TRPM3: variants seen among roughly 807,000 people sequenced by gnomAD.
TRPM3 encodes long transient receptor potential channel 3.
In TRPM3, 77 loss-of-function variants were observed where a neutral mutation model predicts 181.2. The observed-to-expected ratio is 0.42, with a 90% CI of 0.35 to 0.51. TRPM3 has a LOEUF of 0.51. TRPM3 is among the 20% of genes least tolerant of loss of function. The pLI is 0.01. For missense variants in TRPM3, 1,759 were observed against 2,196.7 expected, an observed-to-expected ratio of 0.80 and a Z score of 3.98; for synonymous variants, 745 against 796.4, an observed-to-expected ratio of 0.94 and a Z score of 1.09.
chr9:70,955,338 T>G (rs981660372), intron 1 of TRPM3, among the ~76,000 whole-genome samples: 1 of 152,218 alleles, frequency 6.6e-6, no homozygotes, highest in African/African-American at 2.4e-5. Context: ...TGATCTTATT[T>G]AGTTCCCTTG....
At chr9:70,928,231 G>A (rs1292539840) in intron 1 of TRPM3, among the ~76,000 whole-genome samples, 1 of 152,180 alleles carries the variant, frequency 6.6e-6, no homozygotes. Flanking sequence ...GTGAAATGCA[G>A]GTAATGAGCT....
At chr9:70,982,664 C>A (rs1292904838) in intron 1 of TRPM3, among the ~76,000 whole-genome samples, 2 of 152,186 alleles carry the variant, frequency 1.3e-5, no homozygotes, top group Non-Finnish European at 2.9e-5. Context: ...ATTCATCCTC[C>A]TCTCTTCAAA....
intron 1 of TRPM3, among the ~76,000 whole-genome samples, chr9:70,903,737 G>A (rs1254090524): frequency 1.3e-5 from 2 of 151,994 alleles, no homozygotes; most frequent in African/African-American, 4.8e-5. Flanking sequence ...TAAGGCAAGA[G>A]GTTTAATTTA....
chr9:71,312,668 A>G (rs1262325265), intron 1 of TRPM3, among the ~76,000 whole-genome samples: 1 of 152,214 alleles, frequency 6.6e-6, no homozygotes, highest in African/African-American at 2.4e-5. Context: ...CCTTCAGTAG[A>G]TAAATGGCTA....
chr9:70,880,324 C>T (rs984691318), intron 1 of TRPM3, among the ~76,000 whole-genome samples: 3 of 152,022 alleles, frequency 2.0e-5, no homozygotes, highest in Non-Finnish European at 2.9e-5. Flanking sequence ...TATACCTTCC[C>T]TTTGCTCAAG....
At chr9:70,837,218 G>T (rs2094381913) in intron 5 of TRPM3, among the ~76,000 whole-genome samples, 1 of 152,154 alleles carries the variant, frequency 6.6e-6, no homozygotes, top group South Asian at 2.1e-4. Context: ...GCTTGCCTCA[G>T]AAATAAGTAA....
chr9:70,637,945 G>T (rs772256539), intron 11 of TRPM3, among the ~76,000 whole-genome samples: 1 of 152,006 alleles, frequency 6.6e-6, no homozygotes, highest in Non-Finnish European at 1.5e-5. Flanking sequence ...GGCCTTTAAC[G>T]TGTATACCTG....
chr9:71,192,123 ATAT>A (rs2078068515), intron 1 of TRPM3, among the ~76,000 whole-genome samples: 1 of 152,030 alleles, frequency 6.6e-6, no homozygotes, highest in African/African-American at 2.4e-5. Flanking sequence ...GCAAAAGCAC[ATAT>A]TATTAAATAA....
At chr9:71,116,538 G>C (rs1001740096) in intron 1 of TRPM3, among the ~76,000 whole-genome samples, 2 of 152,246 alleles carry the variant, frequency 1.3e-5, no homozygotes, top group Admixed American at 1.3e-4. Flanking sequence ...AGAGACAATA[G>C]AAAGAACATT....
At chr9:70,571,273 C>T (rs886801474) in intron 22 of TRPM3, among the ~76,000 whole-genome samples, 1 of 152,162 alleles carries the variant, frequency 6.6e-6, no homozygotes, top group African/African-American at 2.4e-5. Context: ...ACACAAGCTC[C>T]CTGGGCCTCA....
chr9:71,425,786 T>G (rs138773830), intron 1 of TRPM3, among the ~76,000 whole-genome samples: 2 of 152,294 alleles, frequency 1.3e-5, no homozygotes, highest in East Asian at 1.9e-4. Context: ...GGGGGTACTA[T>G]ACAATCTGGC....
At chr9:70,787,092 T>C (rs1337124763) in intron 6 of TRPM3, among the ~76,000 whole-genome samples, 1 of 152,182 alleles carries the variant, frequency 6.6e-6, no homozygotes, top group Non-Finnish European at 1.5e-5. Flanking sequence ...TGTTTGAGAG[T>C]AATACATGGT....
intron 1 of TRPM3, among the ~76,000 whole-genome samples, chr9:71,041,806 C>T (rs2058856601): frequency 1.3e-5 from 2 of 152,230 alleles, no homozygotes; most frequent in South Asian, 4.1e-4. Context: ...TAGGATTTAG[C>T]CAATCTAATC....
intron 1 of TRPM3, among the ~76,000 whole-genome samples, chr9:71,423,609 C>T (rs1459231572): frequency 2.6e-5 from 4 of 152,054 alleles, no homozygotes; most frequent in African/African-American, 9.7e-5. Context: ...TATCTATATT[C>T]TTCTAGAAAA....
chr9:70,887,755 C>T (rs1750326430), intron 1 of TRPM3, among the ~76,000 whole-genome samples: 2 of 152,096 alleles, frequency 1.3e-5, no homozygotes, highest in African/African-American at 2.4e-5. Flanking sequence ...CATTTCTTTA[C>T]CACCAGAGAA....
At chr9:71,091,736 T>C (rs2066258389) in intron 1 of TRPM3, among the ~76,000 whole-genome samples, 1 of 152,070 alleles carries the variant, frequency 6.6e-6, no homozygotes, top group Non-Finnish European at 1.5e-5. Context: ...TCATGTCTAA[T>C]ATAAATGAAA....
intron 1 of TRPM3, among the ~76,000 whole-genome samples, chr9:71,046,938 C>T (rs1356306675): frequency 1.3e-5 from 2 of 152,140 alleles, no homozygotes; most frequent in African/African-American, 4.8e-5. Context: ...ACGTAATAAG[C>T]ACCAAATACC....
intron 1 of TRPM3, among the ~76,000 whole-genome samples, chr9:71,343,486 C>T (rs1264894091): frequency 6.6e-6 from 1 of 151,970 alleles, no homozygotes; most frequent in Non-Finnish European, 1.5e-5. Context: ...ATGAATAGAT[C>T]TGTTGATATT....
chr9:70,591,697 A>G (rs1164394470), intron 21 of TRPM3, among the ~76,000 whole-genome samples: 1 of 152,198 alleles, frequency 6.6e-6, no homozygotes, highest in Non-Finnish European at 1.5e-5. Context: ...GCTAATGAAA[A>G]ATTGGAAAGC....
Sources: allele counts gnomAD v4.1 joint callset (sites outside exome capture counted in the v4.1 genomes callset), GRCh38; gene constraint gnomAD v4.1.1; transcripts MANE v1.5; gene names NCBI Gene and HGNC (gene_info 2026-07-23, HGNC 2026-07-21).